Variants in CAGE1 observed in about 807,000 individuals in gnomAD.
CAGE1 encodes cancer antigen 1.
In CAGE1, 66 loss-of-function variants were observed where a neutral mutation model predicts 94.9. That is an observed-to-expected ratio of 0.70 (90% CI 0.57 to 0.85). CAGE1 has a LOEUF of 0.85. Ranked by LOEUF, CAGE1 falls within the 40% of genes least tolerant of loss-of-function variation. CAGE1 has a pLI of 0.00. For missense variants in CAGE1, 865 were observed against 950.4 expected, an observed-to-expected ratio of 0.91 and a Z score of 1.18; for synonymous variants, 319 against 321.0, an observed-to-expected ratio of 0.99 and a Z score of 0.07.
At chr6:7,342,762 G>A (rs1393294914) in intron 11 of CAGE1, among the ~76,000 whole-genome samples, 3 of 152,150 alleles carry the variant, frequency 2.0e-5, no homozygotes. Flanking sequence ...TTATCTTCTA[G>A]GATTTTTATG....
chr6:7,375,599 AG>A (rs1760711511), intron 4 of CAGE1, among the ~76,000 whole-genome samples: 1 of 152,052 alleles, frequency 6.6e-6, no homozygotes, highest in Non-Finnish European at 1.5e-5. Context: ...AAAATCAGTC[AG>A]GTGTGGTGGC....
intron 5 of CAGE1, 38 bp from the exon 6 acceptor site, chr6:7,370,103 G>A: frequency 6.8e-7 from 1 of 1,472,538 alleles, no homozygotes; most frequent in Non-Finnish European, 9.1e-7. Context: ...AAATAATGAT[G>A]AAGAACCTGA....
At chr6:7,366,551 T>C (rs1182784646) in intron 7 of CAGE1, among the ~76,000 whole-genome samples, 1 of 152,188 alleles carries the variant, frequency 6.6e-6, no homozygotes, top group African/African-American at 2.4e-5. Flanking sequence ...AGGGTGCTTA[T>C]GTGAACAGCT....
intron 12 of CAGE1, among the ~76,000 whole-genome samples, chr6:7,331,841 C>G (rs2764097): frequency 0.54 from 82,726 of 152,050 alleles, 25,516 homozygotes; most frequent in African/African-American, 0.85. Context: ...AAATGGTATG[C>G]TGAACAAACA....
intron 3 of CAGE1, among the ~76,000 whole-genome samples, chr6:7,385,129 C>T (rs1761074747): frequency 6.6e-6 from 1 of 152,150 alleles, no homozygotes; most frequent in Admixed American, 6.5e-5. Flanking sequence ...CCTAAGCCTC[C>T]CAAGTAGCTG....
At chr6:7,369,201 T>A (rs562196640) in intron 6 of CAGE1, among the ~76,000 whole-genome samples, 1 of 152,182 alleles carries the variant, frequency 6.6e-6, no homozygotes, top group South Asian at 2.1e-4. Context: ...AGAGATGGGG[T>A]TTCACTATGT....
At chr6:7,344,219 G>A (rs1561850618) in intron 11 of CAGE1, among the ~76,000 whole-genome samples, 1 of 151,906 alleles carries the variant, frequency 6.6e-6, no homozygotes, top group Non-Finnish European at 1.5e-5. Context: ...GGTGTAGAGG[G>A]AGAGGCGCCA....
At chr6:7,345,912 G>A (rs976680268) in intron 11 of CAGE1, among the ~76,000 whole-genome samples, 37 of 151,846 alleles carry the variant, frequency 2.4e-4, no homozygotes, top group African/African-American at 7.7e-4. Context: ...GTGACAGAAC[G>A]AGAGTCCATC....
At chr6:7,378,288 T>C (rs1760822011) in intron 4 of CAGE1, among the ~76,000 whole-genome samples, 1 of 152,182 alleles carries the variant, frequency 6.6e-6, no homozygotes, top group Non-Finnish European at 1.5e-5. Context: ...TCCTGATCCT[T>C]AGAGAAATTA....
intron 13 of CAGE1, chr6:7,329,224 C>T (rs995807045): frequency 5.0e-5 from 20 of 403,218 alleles, no homozygotes; most frequent in African/African-American, 1.2e-4. Flanking sequence ...TCAGCCACCG[C>T]GCCCAGCCTG....
intron 3 of CAGE1, among the ~76,000 whole-genome samples, chr6:7,382,495 GTTTCACCATATTGGCCAGGCTGGGT>G (rs1312567112): frequency 6.6e-6 from 1 of 151,236 alleles, no homozygotes; most frequent in Non-Finnish European, 1.5e-5. Flanking sequence ...AGAGGCGGGG[GTTTCACCATATTGGCCAGGCTGGGT>G]TTGAACTCCT....
chr6:7,366,741 T>C (rs1171674508), intron 7 of CAGE1, among the ~76,000 whole-genome samples: 3 of 152,100 alleles, frequency 2.0e-5, no homozygotes, highest in African/African-American at 7.2e-5. Context: ...TTCCCTCGGC[T>C]GATTTTGCAT....
Position 7,339,175 on chromosome 6 carries a change from T to TG in CAGE1, c.2370-5086dup. Reference sequence around the variant, plus strand: ...CCAGACACCACGACCTCACAGCCTTTGGCCCCAGTTTCCATGATGAACCGC... The same window carrying TG: ...CCAGACACCACGACCTCACAGCCTTTGGGCCCCAGTTTCCATGATGAACCGC... On this transcript the variant is annotated intron_variant, in intron 11 of 13. Coordinates refer to ENST00000502583, the MANE Select transcript of CAGE1 (RefSeq NM_001170692.2). This position sits in a 1 kb window ranked among gnomAD's most constrained non-coding sequence, Gnocchi z 4.7. 2 of 1,511,888 alleles carry TG rather than the reference T, an allele frequency of 1.3e-6. No homozygotes were observed. Among genetic ancestry groups the TG allele is most frequent in the Non-Finnish European group, 1.8e-6 (2 of 1,088,236 alleles). 93.7% of individuals were successfully genotyped at this position (1,511,888 alleles called of 1,614,324 possible). A position where few individuals can be genotyped will look rare whatever the true frequency, so the allele number is the denominator to read the frequency against.
intron 13 of CAGE1, 60 bp from the exon 14 acceptor site, chr6:7,326,959 G>T: frequency 7.3e-7 from 1 of 1,377,948 alleles, no homozygotes; most frequent in Non-Finnish European, 1.0e-6. Flanking sequence ...TTCAGTGACA[G>T]AACCCCTAAA....
chr6:7,331,186 A>C (rs1332107840), intron 12 of CAGE1: 1 of 301,568 alleles, frequency 3.3e-6, no homozygotes, highest in African/African-American at 2.2e-5. Context: ...AATAACGTAC[A>C]TTTCCATGAC....
chr6:7,381,612 T>C (rs1456760834), intron 3 of CAGE1, among the ~76,000 whole-genome samples: 36 of 148,906 alleles, frequency 2.4e-4, no homozygotes, highest in Middle Eastern at 3.6e-3. Flanking sequence ...CATTGCAACC[T>C]CCACCTCCTG....
At chr6:7,386,362 AT>A (rs1179434713) in intron 2 of CAGE1, among the ~76,000 whole-genome samples, 1 of 152,190 alleles carries the variant, frequency 6.6e-6, no homozygotes, top group East Asian at 1.9e-4. Context: ...GGACATTACA[AT>A]CTTTTATTTT....
intron 11 of CAGE1, chr6:7,341,478 G>A: frequency 8.8e-7 from 1 of 1,142,596 alleles, no homozygotes; most frequent in South Asian, 1.2e-5. Context: ...GCAAATTCCA[G>A]GTATTCCATC....
chr6:7,327,760 G>A (rs1045432242), intron 13 of CAGE1, among the ~76,000 whole-genome samples: 6 of 151,748 alleles, frequency 4.0e-5, no homozygotes, highest in Non-Finnish European at 7.4e-5. Context: ...GAGAAACCCC[G>A]TCTCTACTAA....
Sources: gnomAD v4.1 joint callset for allele counts (sites outside exome capture counted in the v4.1 genomes callset) on GRCh38, gnomAD v4.1.1 for gene constraint, Gnocchi (gnomAD v3.1) non-coding constraint, MANE v1.5 for transcripts, NCBI Gene and HGNC (gene_info 2026-07-23, HGNC 2026-07-21) for gene names.